MBTPS1: variants seen among roughly 807,000 people sequenced by gnomAD.
MBTPS1 encodes the protein membrane-bound transcription factor site-1 protease.
Under a neutral mutation model 127.8 loss-of-function variants are expected in MBTPS1, and 94 were observed. The observed-to-expected ratio is 0.74, with a 90% CI of 0.62 to 0.87. MBTPS1 has a LOEUF of 0.87. Among genes scored for constraint, MBTPS1 ranks in the 40% least tolerant of loss-of-function variants. The pLI is 0.00. For synonymous variants in MBTPS1, 632 were observed against 509.4 expected (o/e 1.24, Z -3.24); for missense variants, 1,636 against 1,353.2 (o/e 1.21, Z -3.28).
intron 3 of MBTPS1, 46 bp downstream of exon 3, chr16:84,099,007 C>T (rs1216042698): frequency 1.3e-6 from 2 of 1,486,422 alleles, no homozygotes; most frequent in East Asian, 2.4e-5. Context: ...TTGAGATTTT[C>T]AAAGTAAACA....
chr16:84,101,689 T>C lies in MBTPS1; in HGVS notation c.95A>G (p.Lys32Arg), dbSNP rs892139594. 1.2e-6 allele frequency: 2 copies of C among 1,613,916 alleles called. No homozygotes were observed. Among genetic ancestry groups the C allele is most frequent in the Non-Finnish European group, 1.7e-6 (2 of 1,179,896 alleles). ...GTGGGAACAGCCAGGGCATGGGGCCTTTTCAAAAGATTTCTTTTCCAGTCT... is the reference window on the plus strand; with the variant it reads ...GTGGGAACAGCCAGGGCATGGGGCCCTTTCAAAAGATTTCTTTTCCAGTCT... ...GDRLEKKSFE[K>R]APCPGCSHLT... Residue 32 changes from lysine (K) to arginine (R), a missense_variant, in exon 2 of 23, where the codon AAG (lysine) becomes AGG (arginine). Lys to Arg is a conservative substitution (Grantham distance 26). Transcript: ENST00000343411.
At chr16:84,063,509 G>C (rs2151143174) in intron 18 of MBTPS1, 64 bp from the exon 19 acceptor site, 2 of 1,454,818 alleles carry the variant, frequency 1.4e-6, no homozygotes, top group Admixed American at 1.9e-5. Context: ...GTTATTTCCT[G>C]ATATTTCATC....
At chr16:84,057,847 G>C (rs1367166712) in intron 21 of MBTPS1, 2 of 152,222 alleles carry the variant, frequency 1.3e-5, no homozygotes, top group Non-Finnish European at 2.9e-5. Context: ...GGTTCAGTAT[G>C]TGATGGATTA....
intron 18 of MBTPS1, among the ~76,000 whole-genome samples, chr16:84,065,349 C>T (rs1436174804): frequency 6.6e-6 from 1 of 152,080 alleles, no homozygotes; most frequent in African/African-American, 2.4e-5. Context: ...GATCTCCTGA[C>T]CTCATGATCT....
At chr16:84,098,558 G>A (rs1432921112) in intron 3 of MBTPS1, among the ~76,000 whole-genome samples, 1 of 152,096 alleles carries the variant, frequency 6.6e-6, no homozygotes, top group Non-Finnish European at 1.5e-5. Context: ...GGTGAGCCAA[G>A]ATCGCGCCAC....
chr16:84,091,435 A>T (rs983131493), intron 7 of MBTPS1, among the ~76,000 whole-genome samples: 7 of 149,776 alleles, frequency 4.7e-5, no homozygotes, highest in African/African-American at 1.7e-4. Flanking sequence ...GCAGTGAGCC[A>T]AGACTGTGCC....
intron 1 of MBTPS1, among the ~76,000 whole-genome samples, chr16:84,111,458 T>G (rs1437106072): frequency 6.6e-6 from 1 of 152,016 alleles, no homozygotes; most frequent in Non-Finnish European, 1.5e-5. Context: ...GGAGAATCAC[T>G]TGAACCCGGG....
chr16:84,081,337 G>A, intron 11 of MBTPS1, among the ~76,000 whole-genome samples: 1 of 152,230 alleles, frequency 6.6e-6, no homozygotes, highest in East Asian at 1.9e-4. Context: ...TTACAGCACA[G>A]TGTCAGTGTT....
intron 4 of MBTPS1, 75 bp downstream of exon 4, chr16:84,095,527 C>T: frequency 4.6e-6 from 7 of 1,527,494 alleles, no homozygotes; most frequent in Non-Finnish European, 6.3e-6. Context: ...CATGTCTGGA[C>T]TTTCCGCGCC....
intron 12 of MBTPS1, among the ~76,000 whole-genome samples, chr16:84,071,342 G>A (rs1487039287): frequency 6.6e-6 from 1 of 152,240 alleles, no homozygotes; most frequent in Admixed American, 6.5e-5. Flanking sequence ...AGACGTCAAT[G>A]AGAGCTTGCA....
intron 21 of MBTPS1, among the ~76,000 whole-genome samples, chr16:84,058,906 G>A (rs182728408): frequency 2.6e-5 from 4 of 152,182 alleles, no homozygotes; most frequent in Admixed American, 1.3e-4. Flanking sequence ...CTGCAACCGC[G>A]GCCCCCGGGG....
intron 11 of MBTPS1, among the ~76,000 whole-genome samples, chr16:84,078,204 T>C (rs933579661): frequency 1.4e-4 from 21 of 152,108 alleles, no homozygotes; most frequent in Non-Finnish European, 2.9e-4. Flanking sequence ...CAGTGCTACC[T>C]TACCTAACAG....
chr16:84,087,084 T>A (rs2086039090), intron 9 of MBTPS1, among the ~76,000 whole-genome samples: 1 of 151,610 alleles, frequency 6.6e-6, no homozygotes, highest in African/African-American at 2.4e-5. Context: ...TCCTCAGAAA[T>A]CAATTAATAA....
Position 84,074,752 on chromosome 16 carries a change from G to C in MBTPS1, c.1449-11C>G. 1 of 1,611,808 alleles carries C rather than the reference G, an allele frequency of 6.2e-7. No individual in the cohort carries two copies. Among genetic ancestry groups the C allele is most frequent in the South Asian group, 1.1e-5 (1 of 90,822 alleles). On this transcript the variant is annotated splice_polypyrimidine_tract_variant and intron_variant, in intron 11 of 22. Transcript: ENST00000343411. ...TAGCTGGGGCTCAAACTGAAATAAA[G>C]AATACAGTGTTAGAGTAGATCATAT...
intron 4 of MBTPS1, among the ~76,000 whole-genome samples, chr16:84,094,213 C>T (rs771661574): frequency 6.6e-6 from 1 of 152,094 alleles, no homozygotes; most frequent in Non-Finnish European, 1.5e-5. Context: ...CCCCCACCTT[C>T]TCGGAGGCCC....
intron 1 of MBTPS1, among the ~76,000 whole-genome samples, chr16:84,108,670 G>C (rs933741841): frequency 3.9e-5 from 6 of 152,212 alleles, no homozygotes; most frequent in East Asian, 3.9e-4. Flanking sequence ...GAGAATGGCA[G>C]AAGCCCACTA....
chr16:84,104,541 G>A (rs76650713), intron 1 of MBTPS1, among the ~76,000 whole-genome samples: 6,370 of 152,104 alleles, frequency 0.042, 232 homozygotes, highest in African/African-American at 0.092. Flanking sequence ...TGACACATGT[G>A]GGCTCCATAT....
chr16:84,106,309 T>C (rs1009763964), intron 1 of MBTPS1, among the ~76,000 whole-genome samples: 2 of 151,724 alleles, frequency 1.3e-5, no homozygotes, highest in African/African-American at 4.8e-5. Context: ...ATAATAATAA[T>C]AATAAATAAA....
At chr16:84,076,873 T>C (rs1335819061) in intron 11 of MBTPS1, among the ~76,000 whole-genome samples, 3 of 152,216 alleles carry the variant, frequency 2.0e-5, no homozygotes, top group South Asian at 2.1e-4. Flanking sequence ...AACAAGCTTC[T>C]TTCATAGAAT....
Sources: allele counts gnomAD v4.1 joint callset (sites outside exome capture counted in the v4.1 genomes callset), GRCh38; gene constraint gnomAD v4.1.1; transcripts MANE v1.5; gene names NCBI Gene and HGNC (gene_info 2026-07-23, HGNC 2026-07-21).